SDCBP: variants seen among roughly 807,000 people sequenced by gnomAD.
The protein encoded by SDCBP is syntenin-1.
SDCBP carries 22 observed loss-of-function variants against 30.5 expected under a neutral mutation model. That is an observed-to-expected ratio of 0.72 (90% confidence interval 0.52 to 1.03). The LOEUF (loss-of-function observed/expected upper bound fraction) is 1.03. Ranked by LOEUF, SDCBP falls within the 50% of genes least tolerant of loss-of-function variation. The pLI is 0.00. For synonymous variants in SDCBP, 103 were observed against 118.7 expected, an observed-to-expected ratio of 0.87 and a Z score of 0.86; for missense variants, 304 against 369.9, an observed-to-expected ratio of 0.82 and a Z score of 1.46.
At chr8:58,578,000 G>A (rs1397081156) in intron 5 of SDCBP, 33 bp from the exon 6 acceptor site, 2 of 1,550,646 alleles carry the variant, frequency 1.3e-6, no homozygotes, top group Non-Finnish European at 8.9e-7. Context: ...CATAGTAGTG[G>A]TAAATGACAA....
rs759989358 is a variant in SDCBP, at chr8:58,581,724, C to A, written c.881C>A (p.Thr294Asn). The change falls in exon 9 of 9, where the codon ACC (threonine) becomes AAC (asparagine). Residue 294 changes from threonine (T) to asparagine (N), a missense_variant. Coordinates refer to ENST00000260130, the MANE Select transcript of SDCBP (RefSeq NM_005625.4). The part of the protein sequence containing the change: ...PSIMKSLMDH[T>N]IPEV Reference sequence around the variant, plus strand: ...ATTATGAAAAGCCTAATGGACCACACCATTCCTGAGGTTTAAAATTCACGG... The same window carrying A: ...ATTATGAAAAGCCTAATGGACCACAACATTCCTGAGGTTTAAAATTCACGG... 9.9e-6 allele frequency: 16 copies of A among 1,612,324 alleles called. No individual in the cohort carries two copies. Among genetic ancestry groups the A allele is most frequent in the Non-Finnish European group, 1.4e-5 (16 of 1,179,188 alleles).
intron 1 of SDCBP, among the ~76,000 whole-genome samples, chr8:58,555,050 A>G (rs1004266477): frequency 6.6e-6 from 1 of 152,230 alleles, no homozygotes; most frequent in African/African-American, 2.4e-5. Context: ...TGCTTTTAAC[A>G]CAAACGTTAA....
chr8:58,564,882 T>C, intron 1 of SDCBP, 137 bp from the exon 2 acceptor site: 2 of 501,320 alleles, frequency 4.0e-6, no homozygotes, highest in Admixed American at 8.4e-5. Flanking sequence ...TATATTCTTA[T>C]TTTTTAATAT....
chr8:58,582,076 C>T lies in SDCBP; in HGVS notation c.*336C>T, dbSNP rs187436234. 6.4e-3 allele frequency: 1,788 copies of T among 277,380 alleles called. 33 individuals carry two copies. The highest frequency in any genetic ancestry group is 0.036 in the African/African-American group (1,626 of 45,022). The allele number at this position is 277,380 out of a possible 1,614,324, so 17.2% of individuals were successfully genotyped here. A position where few individuals can be genotyped will look rare whatever the true frequency, so the allele number is the denominator to read the frequency against. On this transcript the variant is annotated 3_prime_UTR_variant, in exon 9 of 9. Coordinates refer to ENST00000260130, the MANE Select transcript of SDCBP (RefSeq NM_005625.4). ...TTAGCTTTGTGTGAAAACCAGTCAC[C>T]TTTCTCCTAGGTAATGAGTAGTGCT...
chr8:58,571,246 T>G (rs1465253048), intron 3 of SDCBP, among the ~76,000 whole-genome samples: 1 of 152,190 alleles, frequency 6.6e-6, no homozygotes, highest in African/African-American at 2.4e-5. Context: ...ATGAATGAAT[T>G]ATATATATGA....
At chr8:58,577,132 C>CTGTATT (rs1805384476) in intron 5 of SDCBP, among the ~76,000 whole-genome samples, 1 of 152,340 alleles carries the variant, frequency 6.6e-6, no homozygotes, top group Non-Finnish European at 1.5e-5. Flanking sequence ...CCCTTGGCCC[C>CTGTATT]ACTGTAGGTA....
At chr8:58,556,900 G>A (rs1203161609) in intron 1 of SDCBP, among the ~76,000 whole-genome samples, 2 of 136,382 alleles carry the variant, frequency 1.5e-5, no homozygotes, top group African/African-American at 2.7e-5. Flanking sequence ...CGTATAATAC[G>A]TATTATAATA....
intron 1 of SDCBP, chr8:58,560,819 A>G (rs1804396485): frequency 6.6e-6 from 1 of 152,206 alleles, no homozygotes; most frequent in African/African-American, 2.4e-5. Context: ...TATTTTTTCA[A>G]ATGCTTGGAT....
chr8:58,579,380 G>T (rs1247692932), intron 6 of SDCBP, among the ~76,000 whole-genome samples: 2 of 152,082 alleles, frequency 1.3e-5, no homozygotes, highest in African/African-American at 2.4e-5. Context: ...TAAAGCAGTT[G>T]TCTTTTATAC....
chr8:58,562,315 T>C (rs1804483850), intron 1 of SDCBP, among the ~76,000 whole-genome samples: 1 of 151,856 alleles, frequency 6.6e-6, no homozygotes, highest in Non-Finnish European at 1.5e-5. Context: ...TAAGGATACT[T>C]TTTATTTTTT....
chr8:58,576,382 A>G (rs552232893), intron 5 of SDCBP: 87 of 172,652 alleles, frequency 5.0e-4, no homozygotes, highest in Non-Finnish European at 7.9e-4. Context: ...AAGGTTAAGA[A>G]AAAACTTTCC....
chr8:58,553,965 C>T (rs888404237), intron 1 of SDCBP, among the ~76,000 whole-genome samples: 4 of 152,108 alleles, frequency 2.6e-5, no homozygotes, highest in Non-Finnish European at 5.9e-5. Context: ...GAGATCTGAC[C>T]CCTGAGATAT....
At chr8:58,556,513 A>G (rs937272510) in intron 1 of SDCBP, among the ~76,000 whole-genome samples, 1 of 152,142 alleles carries the variant, frequency 6.6e-6, no homozygotes, top group Non-Finnish European at 1.5e-5. Flanking sequence ...AAACAGTCAC[A>G]TGTCATTTTT....
rs185213571 is a variant in SDCBP at position 58,577,355 on chromosome 8, A to G, written c.403-678A>G. On this transcript the variant is annotated intron_variant, in intron 5 of 8. Coordinates refer to ENST00000260130, the MANE Select transcript of SDCBP (RefSeq NM_005625.4). ...ATATTTTGTTCAACTTCTGATTGAG[A>G]TTTTACATAAGTAAAAATATCCATG... Among the ~76,000 whole-genome samples the G allele has an allele frequency of 9.8e-5, 15 of 152,302 alleles. 1 individual carries two copies. In the East Asian group the frequency reaches 2.9e-3, roughly 29 times the overall value.
At chr8:58,572,085 A>G in intron 3 of SDCBP, 120 bp from the exon 4 acceptor site, 1 of 618,136 alleles carries the variant, frequency 1.6e-6, no homozygotes, top group Admixed American at 2.7e-5. Context: ...GCTACTTTAA[A>G]TTCATTCTAG....
intron 8 of SDCBP, 50 bp downstream of exon 8, chr8:58,580,658 T>A: frequency 1.1e-6 from 1 of 939,320 alleles, no homozygotes; most frequent in Non-Finnish European, 1.8e-6. Context: ...TGACTTAATA[T>A]AAGCACTATA....
chr8:58,558,637 G>C (rs1476184256), intron 1 of SDCBP, among the ~76,000 whole-genome samples: 1 of 152,182 alleles, frequency 6.6e-6, no homozygotes, highest in South Asian at 2.1e-4. Context: ...ACTAAATTGA[G>C]TCCTGCCTTC....
Position 58,570,931 on chromosome 8 carries a change from G to A in SDCBP, c.96G>A (p.Leu32=). 6.2e-7 allele frequency: 1 copy of A among 1,613,196 alleles called. No homozygotes were observed. Among genetic ancestry groups the A allele is most frequent in the South Asian group, 1.1e-5 (1 of 91,034 alleles). ...FSANPANPAI[L]SEASAPIPHD... ...CAAACCCTGCCAATCCAGCAATTTT[G>A]TCAGAAGCTTCTGCTCCTATCCCTC... Residue 32 remains leucine, a synonymous_variant, in exon 3 of 9, where the codon TTG becomes TTA. Coordinates refer to ENST00000260130, the MANE Select transcript of SDCBP (RefSeq NM_005625.4).
chr8:58,577,922 T>A (rs1015457749), intron 5 of SDCBP, 111 bp from the exon 6 acceptor site: 33 of 791,840 alleles, frequency 4.2e-5, no homozygotes, highest in South Asian at 3.1e-4. Context: ...TTCTTTCTTT[T>A]TTGTCACTGG....
Sources: gnomAD v4.1 joint callset for allele counts (sites outside exome capture counted in the v4.1 genomes callset) on GRCh38, gnomAD v4.1.1 for gene constraint, MANE v1.5 for transcripts, NCBI Gene and HGNC (gene_info 2026-07-23, HGNC 2026-07-21) for gene names.